The following RB1CC1 variants were observed in gnomAD, a reference collection of about 807,000 sequenced individuals.
RB1CC1 encodes RB1 inducible coiled-coil 1, also known as RB1-inducible coiled-coil protein 1.
A neutral mutation model predicts 177.5 loss-of-function variants in RB1CC1; 46 were observed. The observed-to-expected ratio is 0.26, with a 90% confidence interval of 0.20 to 0.33. The LOEUF (loss-of-function observed/expected upper bound fraction) is 0.33. Ranked by LOEUF, RB1CC1 falls within the 10% of genes least tolerant of loss-of-function variation. The pLI, the probability that RB1CC1 is intolerant of heterozygous loss-of-function variation, is 1.00. For missense variants in RB1CC1, 1,703 were observed against 1,816.3 expected (o/e 0.94, Z 1.13); for synonymous variants, 666 against 613.6 (o/e 1.09, Z -1.26).
intron 1 of RB1CC1, among the ~76,000 whole-genome samples, chr8:52,695,721 AGCAATGAT>A (rs1220346578): frequency 6.6e-6 from 1 of 152,236 alleles, no homozygotes; most frequent in African/African-American, 2.4e-5. Flanking sequence ...TGACTCCACC[AGCAATGAT>A]GGCCAGAAGC....
intron 20 of RB1CC1, among the ~76,000 whole-genome samples, chr8:52,633,867 T>A (rs1007836002): frequency 6.6e-6 from 1 of 152,130 alleles, no homozygotes; most frequent in African/African-American, 2.4e-5. Flanking sequence ...GGCAGGCGGA[T>A]CGCTTAAGCT....
At chr8:52,643,632 C>T (rs914474473) in intron 16 of RB1CC1, among the ~76,000 whole-genome samples, 1 of 144,640 alleles carries the variant, frequency 6.9e-6, no homozygotes, top group Non-Finnish European at 1.5e-5. Flanking sequence ...CAGGTTATAG[C>T]ATGCCATGAT....
rs762892199 is a variant in RB1CC1 at position 52,656,465 on chromosome 8, A to G, written c.3364T>C (p.Leu1122=). The G allele has an allele frequency of 6.2e-6, 10 of 1,611,540 alleles. No homozygotes were observed. The highest frequency in any genetic ancestry group is 2.7e-5 in the African/African-American group (2 of 74,958). Residue 1122 remains leucine, a synonymous_variant, in exon 15 of 24, where the codon TTA becomes CTA. Coordinates refer to ENST00000025008, the MANE Select transcript of RB1CC1 (RefSeq NM_014781.5). The stretch of plus-strand genomic sequence containing the variant: ...GTCATTAAAGTTCTTAGCTCTGCTA[A>G]GCCCACCTGATAATTTTCATTATTA... ...QDNNENYQVG[L]AELRTLMTIE...
intron 1 of RB1CC1, among the ~76,000 whole-genome samples, chr8:52,711,436 G>A (rs1485252897): frequency 1.3e-5 from 2 of 152,070 alleles, no homozygotes; most frequent in African/African-American, 2.4e-5. Context: ...CTATACAATC[G>A]GCTTAGCTAG....
intron 1 of RB1CC1, among the ~76,000 whole-genome samples, chr8:52,708,466 G>A (rs1856780633): frequency 6.6e-6 from 1 of 152,112 alleles, no homozygotes; most frequent in South Asian, 2.1e-4. Flanking sequence ...GCAGTAAGTT[G>A]AGATCACACC....
At position 52,660,629 on chromosome 8, in the gene RB1CC1, A is replaced by C. The variant is rs762609861; in HGVS notation, c.1656T>G (p.Phe552Leu). 2 of 1,600,402 alleles carry C rather than the reference A, an allele frequency of 1.2e-6. No homozygotes were observed. Among genetic ancestry groups the C allele is most frequent in the African/African-American group, 2.7e-5 (2 of 73,996 alleles). Residue 552 changes from phenylalanine (F) to leucine (L), a missense_variant, in exon 12 of 24, where the codon TTT becomes TTG. Phe to Leu is a conservative substitution (Grantham distance 22, BLOSUM62 0). Around this residue, in one of 6 missense-constraint regions of RB1CC1, gnomAD observed 1,169 missense variants for 1,184.7 expected, o/e 0.99. Transcript: ENST00000025008. The stretch of plus-strand genomic sequence containing the variant: ...AAGGGGGCCAGGAGTCCAGTCCCCT[A>C]AACAGACGATTTCTTAAAAAAGACT... ...FRKSFLRNRL[F>L]RGLDSWPPSF... is the part of the protein sequence containing the mutation.
chr8:52,678,333 C>T (rs760330874), intron 5 of RB1CC1, among the ~76,000 whole-genome samples: 4 of 152,176 alleles, frequency 2.6e-5, no homozygotes, highest in Non-Finnish European at 4.4e-5. Flanking sequence ...AGGAGAATCA[C>T]TTGAACCCAG....
At chr8:52,699,232 T>C (rs1370008870) in intron 1 of RB1CC1, among the ~76,000 whole-genome samples, 1 of 152,212 alleles carries the variant, frequency 6.6e-6, no homozygotes, top group Non-Finnish European at 1.5e-5. Flanking sequence ...AAAATTCTTA[T>C]TCTGCCACTT....
chr8:52,712,235 T>G (rs1163375915), intron 1 of RB1CC1, among the ~76,000 whole-genome samples: 1 of 152,178 alleles, frequency 6.6e-6, no homozygotes, highest in Non-Finnish European at 1.5e-5. Context: ...TGAGAAAATT[T>G]TATCAGCCAT....
chr8:52,634,118 A>AT (rs879702994), intron 20 of RB1CC1, among the ~76,000 whole-genome samples: 158 of 147,726 alleles, frequency 1.1e-3, no homozygotes, highest in Middle Eastern at 3.6e-3. Flanking sequence ...CCTTGTCTCG[A>AT]TTTTTTTTTT....
chr8:52,694,941 A>G (rs1563456075), intron 1 of RB1CC1, among the ~76,000 whole-genome samples: 2 of 152,212 alleles, frequency 1.3e-5, no homozygotes, highest in Non-Finnish European at 2.9e-5. Context: ...AATGACAATA[A>G]CAAGTGACTA....
chr8:52,675,090 A>C (rs1388116186), intron 6 of RB1CC1, among the ~76,000 whole-genome samples: 2 of 152,314 alleles, frequency 1.3e-5, no homozygotes, highest in East Asian at 3.9e-4. Context: ...AATATGATGT[A>C]GGTCCCTACT....
chr8:52,672,930 A>AT (rs1491485670), intron 7 of RB1CC1, among the ~76,000 whole-genome samples: 6 of 152,212 alleles, frequency 3.9e-5, no homozygotes, highest in Admixed American at 3.9e-4. Flanking sequence ...TCTGGCAAAC[A>AT]TGTCTTAATT....
Position 52,661,129 on chromosome 8 carries a change from A to T in RB1CC1, c.1511T>A (p.Val504Glu). 6.2e-7 allele frequency: 1 copy of T among 1,613,482 alleles called. No homozygotes were observed. The highest frequency in any genetic ancestry group is 8.5e-7 in the Non-Finnish European group (1 of 1,179,754). Residue 504 changes from valine to glutamate, a missense_variant, in exon 10 of 24, where the codon GTA becomes GAA. Transcript: ENST00000025008. The stretch of plus-strand genomic sequence containing the variant: ...GTGTTTTATGAACATTTTTCTTCTT[A>T]CAACCTCAACAACAGCTAAGCAGTA... Reference protein sequence around the residue: ...QMYCLAVVEVVRRKMFIKHYR... With the variant: ...QMYCLAVVEVERRKMFIKHYR...
chr8:52,711,960 G>A (rs1375268930), intron 1 of RB1CC1, among the ~76,000 whole-genome samples: 1 of 152,144 alleles, frequency 6.6e-6, no homozygotes, highest in African/African-American at 2.4e-5. Context: ...CGGGCTTTGG[G>A]AGTCCGAGGC....
In RB1CC1 at chr8:52,657,295, C is replaced by A. The variant is rs137885824; in HGVS notation, c.2534G>T (p.Arg845Ile). The change falls in exon 15 of 24, where the codon AGA becomes ATA. Residue 845 changes from arginine (R) to isoleucine (I), a missense_variant. By Grantham distance (97) the Arg-to-Ile change is moderately conservative. Transcript: ENST00000025008. ...NSLKCTAVEI[R>I]NIIEKVKCSL... ...ACATTTTACTTTTTCAATAATGTTT[C>A]TTATTTCTACTGCTGTACATTTTAA... is the stretch of plus-strand genomic sequence containing the variant. 3.1e-6 allele frequency: 5 copies of A among 1,608,176 alleles called. No individual in the cohort carries two copies. Among genetic ancestry groups the A allele is most frequent in the South Asian group, 2.2e-5 (2 of 90,866 alleles).
chr8:52,700,300 G>A (rs1456531344), intron 1 of RB1CC1, among the ~76,000 whole-genome samples: 2 of 151,632 alleles, frequency 1.3e-5, no homozygotes, highest in African/African-American at 4.8e-5. Flanking sequence ...AAGGCAGGTG[G>A]ATTGCTTGAG....
intron 2 of RB1CC1, among the ~76,000 whole-genome samples, 155 bp downstream of exon 2, chr8:52,686,698 T>C (rs924513222): frequency 6.6e-5 from 10 of 152,170 alleles, no homozygotes; most frequent in African/African-American, 1.9e-4. Context: ...TCCCAGAAAG[T>C]AGTAGGTACC....
rs1169071988 is a variant in RB1CC1, at chr8:52,660,738, A to T, written c.1628-81T>A. 9 of 1,333,442 alleles carry T rather than the reference A, an allele frequency of 6.7e-6. No individual in the cohort carries two copies. In the East Asian group the frequency reaches 1.9e-4, roughly 28 times the overall value. 82.6% of individuals were successfully genotyped at this position (1,333,442 alleles called of 1,614,324 possible). A position where few individuals can be genotyped will look rare whatever the true frequency, so the allele number is the denominator to read the frequency against. On this transcript the variant is annotated intron_variant, in intron 11 of 23. Transcript: ENST00000025008. ...TTATCTCTGGTTTTTGAAAAGGTAA[A>T]TTAAAAGTTGACAGTACTTCAAGTT...
Sources: gnomAD v4.1 joint callset for allele counts (sites outside exome capture counted in the v4.1 genomes callset) on GRCh38, gnomAD v4.1.1 for gene constraint, gnomAD v4.1.1 regional missense constraint, MANE v1.5 for transcripts, NCBI Gene and HGNC (gene_info 2026-07-23, HGNC 2026-07-21) for gene names.